MIGA1: variants seen among roughly 807,000 people sequenced by gnomAD.
MIGA1 encodes the protein mitoguardin 1, also known as family with sequence similarity 73, member A.
Under a neutral mutation model 82.0 loss-of-function variants are expected in MIGA1, and 58 were observed. That is an observed-to-expected ratio of 0.71 (90% CI 0.57 to 0.88). MIGA1 has a LOEUF of 0.88. MIGA1 is among the 40% of genes least tolerant of loss of function. The pLI is 0.00. For missense variants in MIGA1, 751 were observed against 749.1 expected, an observed-to-expected ratio of 1.00 and a Z score of -0.03; for synonymous variants, 249 against 253.6, an observed-to-expected ratio of 0.98 and a Z score of 0.17.
chr1:77,801,931 T>C (rs1682901153), intron 3 of MIGA1, among the ~76,000 whole-genome samples: 1 of 152,210 alleles, frequency 6.6e-6, no homozygotes, highest in African/African-American at 2.4e-5. Context: ...AATATATAAC[T>C]AGTGTTAATT....
At chr1:77,821,400 T>C (rs1430695727) in intron 7 of MIGA1, among the ~76,000 whole-genome samples, 1 of 151,742 alleles carries the variant, frequency 6.6e-6, no homozygotes. Flanking sequence ...ATTTTTTTTT[T>C]TTTTTTTGAG....
In MIGA1 at chr1:77,811,087, T is replaced by G. The variant is rs1683309256; in HGVS notation, c.638-2647T>G. ...GAAGATAGCTGCACCTTTGGTTAATTTTTCAACATGCTTCTGGAGCTCAAT... is the reference window on the plus strand; with the variant it reads ...GAAGATAGCTGCACCTTTGGTTAATGTTTCAACATGCTTCTGGAGCTCAAT... On this transcript the variant is annotated intron_variant, in intron 5 of 15. Coordinates refer to ENST00000370791, the MANE Select transcript of MIGA1 (RefSeq NM_198549.4). The G allele has an allele frequency of 1.9e-6, 3 of 1,611,432 alleles. No individual in the cohort carries two copies. The African/African-American group carries it at 4.0e-5, about 22-fold the overall frequency.
chr1:77,843,460 A>C (rs537069491), intron 8 of MIGA1, 53 bp downstream of exon 8: 1 of 1,362,346 alleles, frequency 7.3e-7, no homozygotes, highest in African/African-American at 1.4e-5. Context: ...TGGTGGAAAC[A>C]ACAGTCTTGT....
At chr1:77,819,784 G>T (rs944707017) in intron 7 of MIGA1, among the ~76,000 whole-genome samples, 1 of 151,934 alleles carries the variant, frequency 6.6e-6, no homozygotes, top group Non-Finnish European at 1.5e-5. Flanking sequence ...GTTTTGCCGT[G>T]TTACCCAGGC....
chr1:77,820,889 T>A (rs1557911399), intron 7 of MIGA1, among the ~76,000 whole-genome samples: 1 of 152,108 alleles, frequency 6.6e-6, no homozygotes, highest in Non-Finnish European at 1.5e-5. Flanking sequence ...ATCCCAGCAC[T>A]TTGGGAGGCT....
intron 5 of MIGA1, chr1:77,811,583 C>G: frequency 3.7e-6 from 6 of 1,609,974 alleles, no homozygotes; most frequent in Non-Finnish European, 1.7e-6. Context: ...AAGCATGTTG[C>G]AATTTTGCCT....
intron 8 of MIGA1, chr1:77,848,878 G>A (rs756703695): frequency 2.9e-5 from 23 of 798,672 alleles, no homozygotes; most frequent in Admixed American, 8.8e-5. Context: ...AAACCATAAA[G>A]GAGTGTGTTA....
chr1:77,808,659 T>C (rs1030549972), intron 5 of MIGA1, among the ~76,000 whole-genome samples: 4 of 152,350 alleles, frequency 2.6e-5, no homozygotes, highest in Admixed American at 1.3e-4. Context: ...CCCTGTTCTC[T>C]GTTCTGTTTC....
intron 13 of MIGA1, among the ~76,000 whole-genome samples, chr1:77,864,670 C>CT (rs1389980107): frequency 6.6e-6 from 1 of 152,154 alleles, no homozygotes; most frequent in Non-Finnish European, 1.5e-5. Flanking sequence ...GAGTGCAACT[C>CT]TATCTCAAAA....
Position 77,876,538 on chromosome 1 carries a change from T to G in MIGA1, c.*1474T>G, listed in dbSNP as rs1168022268. On this transcript the variant is annotated 3_prime_UTR_variant, in exon 16 of 16. Coordinates refer to ENST00000370791, the MANE Select transcript of MIGA1 (RefSeq NM_198549.4). ...AATAAAGGCAATTTAAAATTTAGTG[T>G]TATTTGAAGACTGTCAACATCTGAA... 1.3e-5 allele frequency: 2 copies of G among 152,238 alleles called. No homozygotes were observed. Among genetic ancestry groups the G allele is most frequent in the Non-Finnish European group, 2.9e-5 (2 of 68,046 alleles). The allele number at this position is 152,238 out of a possible 1,614,324, so 9.4% of individuals were successfully genotyped here.
At chr1:77,781,711 T>C (rs757131856) in intron 1 of MIGA1, among the ~76,000 whole-genome samples, 2 of 152,208 alleles carry the variant, frequency 1.3e-5, no homozygotes, top group South Asian at 2.1e-4. Context: ...GAACTAACTA[T>C]ACTGAATCTA....
intron 2 of MIGA1, among the ~76,000 whole-genome samples, chr1:77,790,835 G>C (rs948211335): frequency 1.3e-5 from 2 of 151,860 alleles, no homozygotes; most frequent in African/African-American, 2.4e-5. Flanking sequence ...TTATCCACCC[G>C]CCTCAGCCTC....
rs1425149811 is a variant in MIGA1, at chr1:77,875,454, A to G, written c.*390A>G. The G allele has an allele frequency of 1.8e-5, 3 of 170,888 alleles. No individual in the cohort carries two copies. Among genetic ancestry groups the G allele is most frequent in the South Asian group, 1.5e-4 (1 of 6,832 alleles). 10.6% of individuals were successfully genotyped at this position (170,888 alleles called of 1,614,324 possible). On this transcript the variant is annotated 3_prime_UTR_variant, in exon 16 of 16. Transcript: ENST00000370791. Reference sequence around the variant, plus strand: ...TAGCCAAGGTCTTTGTGGCCCACACATGCAAGAATATATTACTTCTAATGT... The same window carrying G: ...TAGCCAAGGTCTTTGTGGCCCACACGTGCAAGAATATATTACTTCTAATGT...
chr1:77,818,367 C>CCTG (rs1683663281), intron 7 of MIGA1, among the ~76,000 whole-genome samples: 1 of 152,046 alleles, frequency 6.6e-6, no homozygotes, highest in African/African-American at 2.4e-5. Flanking sequence ...AGGCGATCCA[C>CCTG]CTGCTTCGGC....
chr1:77,856,716 G>A (rs1306789639), intron 8 of MIGA1, among the ~76,000 whole-genome samples: 2 of 152,042 alleles, frequency 1.3e-5, no homozygotes, highest in African/African-American at 4.8e-5. Flanking sequence ...GGTATCAGTT[G>A]TAATATTTCC....
At chr1:77,794,071 G>A (rs35535570) in intron 2 of MIGA1, among the ~76,000 whole-genome samples, 7,820 of 152,194 alleles carry the variant, frequency 0.051, 303 homozygotes, top group Non-Finnish European at 0.079. Flanking sequence ...TTACAGCCAT[G>A]AGCCACCGCG....
rs772441449 is a variant in MIGA1 at position 77,866,307 on chromosome 1, A to G, written c.1510-31A>G. The G allele has an allele frequency of 1.4e-5, 22 of 1,606,912 alleles. No homozygotes were observed. In the African/African-American group the frequency reaches 2.7e-4, roughly 20 times the overall value. On this transcript the variant is annotated intron_variant, in intron 13 of 15. Transcript: ENST00000370791. Reference sequence around the variant, plus strand: ...AATGGAAATGTTTATATAGCTATATATAAATCTTTCTTTTCTCTGCATGTA... The same window carrying G: ...AATGGAAATGTTTATATAGCTATATGTAAATCTTTCTTTTCTCTGCATGTA...
At position 77,838,559 on chromosome 1, in the gene MIGA1, C is replaced by T. The variant is rs188200551; in HGVS notation, c.896-4748C>T. On this transcript the variant is annotated intron_variant, in intron 7 of 15. Coordinates refer to ENST00000370791, the MANE Select transcript of MIGA1 (RefSeq NM_198549.4). ...ACCTCCTGGGTTCAAGCAATTCTTG[C>T]GCCTCAGACTCCTAAGTAGCTGGGG... 8.5e-5 allele frequency among the ~76,000 whole-genome samples: 13 copies of T among 152,078 alleles called. No individual in the cohort carries two copies. In the East Asian group the frequency reaches 1.5e-3, roughly 18 times the overall value.
chr1:77,837,114 C>G (rs928165863), intron 7 of MIGA1, among the ~76,000 whole-genome samples: 3 of 152,070 alleles, frequency 2.0e-5, no homozygotes, highest in African/African-American at 7.2e-5. Context: ...ACAACAAATG[C>G]TCTAACAGCA....
Sources: gnomAD v4.1 joint callset for allele counts (sites outside exome capture counted in the v4.1 genomes callset) on GRCh38, gnomAD v4.1.1 for gene constraint, MANE v1.5 for transcripts, NCBI Gene and HGNC (gene_info 2026-07-23, HGNC 2026-07-21) for gene names.